CWC27: variants seen among roughly 807,000 people sequenced by gnomAD.
The protein encoded by CWC27 is CWC27 spliceosome associated cyclophilin, also known as spliceosome-associated protein CWC27 homolog.
In CWC27, 47 loss-of-function variants were observed where a neutral mutation model predicts 63.6. The observed-to-expected ratio is 0.74, with a 90% CI of 0.58 to 0.94. The LOEUF is 0.94. Ranked by LOEUF, CWC27 falls within the 40% of genes least tolerant of loss-of-function variation. The pLI is 0.00. For missense variants in CWC27, 495 were observed against 554.3 expected, an observed-to-expected ratio of 0.89 and a Z score of 1.07; for synonymous variants, 175 against 179.8, an observed-to-expected ratio of 0.97 and a Z score of 0.22.
At chr5:64,880,518 C>G (rs1561444911) in intron 10 of CWC27, among the ~76,000 whole-genome samples, 1 of 151,892 alleles carries the variant, frequency 6.6e-6, no homozygotes, top group Non-Finnish European at 1.5e-5. Flanking sequence ...CTTCCTTAAT[C>G]ATTTTGATTT....
At chr5:64,926,411 G>A (rs1561159159) in intron 11 of CWC27, among the ~76,000 whole-genome samples, 1 of 151,124 alleles carries the variant, frequency 6.6e-6, no homozygotes, top group Non-Finnish European at 1.5e-5. Flanking sequence ...AGTCATATCA[G>A]TAAGACCTAT....
chr5:64,813,129 G>A (rs1298890857), intron 10 of CWC27, among the ~76,000 whole-genome samples: 1 of 152,086 alleles, frequency 6.6e-6, no homozygotes, highest in East Asian at 1.9e-4. Flanking sequence ...ATGTAGACTA[G>A]GTGGTTTGTT....
chr5:64,810,718 G>A (rs569596318), intron 10 of CWC27, among the ~76,000 whole-genome samples: 1 of 152,060 alleles, frequency 6.6e-6, no homozygotes, highest in East Asian at 1.9e-4. Context: ...AAGCTCTGTA[G>A]ATATTCTAAT....
chr5:64,872,184 A>G (rs1048826397), intron 10 of CWC27, among the ~76,000 whole-genome samples: 4 of 152,162 alleles, frequency 2.6e-5, no homozygotes, highest in African/African-American at 4.8e-5. Context: ...TATGAGGAGA[A>G]GGGAAGTGGA....
intron 10 of CWC27, among the ~76,000 whole-genome samples, chr5:64,815,586 A>G (rs145882869): frequency 3.5e-4 from 54 of 152,300 alleles, no homozygotes; most frequent in African/African-American, 1.3e-3. Context: ...ATTGCTGTCT[A>G]CATCTATGAC....
intron 13 of CWC27, among the ~76,000 whole-genome samples, chr5:64,981,173 T>C (rs1749326389): frequency 6.6e-6 from 1 of 152,094 alleles, no homozygotes; most frequent in Admixed American, 6.6e-5. Flanking sequence ...TTACCTATGA[T>C]CCCAAACTCA....
At chr5:64,899,679 C>G (rs1747458056) in intron 11 of CWC27, among the ~76,000 whole-genome samples, 1 of 152,110 alleles carries the variant, frequency 6.6e-6, no homozygotes. Context: ...GAAACGAAAA[C>G]ATTTGTAATA....
chr5:65,018,079 T>A, intron 13 of CWC27, 80 bp from the exon 14 acceptor site: 1 of 1,232,328 alleles, frequency 8.1e-7, no homozygotes, highest in Non-Finnish European at 1.1e-6. Context: ...TGTTTCATTA[T>A]GTCGATGATA....
At chr5:64,782,114 T>G in intron 3 of CWC27, 81 bp downstream of exon 3, 1 of 715,912 alleles carries the variant, frequency 1.4e-6, no homozygotes, top group South Asian at 2.6e-5. Context: ...TAATCGAAAA[T>G]GATTGTGTTC....
chr5:64,967,755 A>G (rs1749045998), intron 11 of CWC27, among the ~76,000 whole-genome samples: 1 of 152,042 alleles, frequency 6.6e-6, no homozygotes, highest in African/African-American at 2.4e-5. Flanking sequence ...TACGCCATAT[A>G]TAAAAATCAA....
At chr5:64,824,561 G>T (rs567013493) in intron 10 of CWC27, among the ~76,000 whole-genome samples, 5 of 151,996 alleles carry the variant, frequency 3.3e-5, no homozygotes, top group Non-Finnish European at 7.4e-5. Flanking sequence ...GTGAGTATGG[G>T]CTGAAATCTA....
chr5:64,947,004 C>T (rs1748604051), intron 11 of CWC27, among the ~76,000 whole-genome samples: 1 of 152,104 alleles, frequency 6.6e-6, no homozygotes, highest in Non-Finnish European at 1.5e-5. Flanking sequence ...TCTCATCTGT[C>T]TCTGAGCACC....
At chr5:64,956,090 C>A (rs1286696772) in intron 11 of CWC27, among the ~76,000 whole-genome samples, 2 of 152,062 alleles carry the variant, frequency 1.3e-5, no homozygotes, top group African/African-American at 4.8e-5. Flanking sequence ...TTAAAAAATT[C>A]TTAGACACGA....
intron 10 of CWC27, among the ~76,000 whole-genome samples, chr5:64,853,769 C>T (rs984136077): frequency 6.6e-6 from 1 of 152,178 alleles, no homozygotes; most frequent in African/African-American, 2.4e-5. Context: ...GCCCCCATGA[C>T]CCAAACACCT....
chr5:64,912,728 A>G (rs1747816734), intron 11 of CWC27, among the ~76,000 whole-genome samples: 1 of 152,172 alleles, frequency 6.6e-6, no homozygotes, highest in Non-Finnish European at 1.5e-5. Flanking sequence ...AATGCTCTCA[A>G]AATGCTATTA....
intron 2 of CWC27, among the ~76,000 whole-genome samples, chr5:64,780,473 A>G (rs1326981528): frequency 6.7e-6 from 1 of 149,146 alleles, no homozygotes; most frequent in Non-Finnish European, 1.5e-5. Context: ...TATAGAAACA[A>G]TATATATAAA....
chr5:64,789,213 T>C (rs1264510982), intron 7 of CWC27, among the ~76,000 whole-genome samples, 193 bp downstream of exon 7: 1 of 152,050 alleles, frequency 6.6e-6, no homozygotes, highest in Admixed American at 6.6e-5. Context: ...TATTTATTTT[T>C]AATGTTGGCA....
intron 2 of CWC27, 74 bp downstream of exon 2, chr5:64,774,861 T>C (rs953709503): frequency 5.9e-6 from 5 of 853,402 alleles, no homozygotes; most frequent in African/African-American, 1.7e-5. Context: ...CTTCACAACA[T>C]TGAAGACTAG....
chr5:64,905,635 G>C (rs1029046950), intron 11 of CWC27, among the ~76,000 whole-genome samples: 1 of 152,070 alleles, frequency 6.6e-6, no homozygotes, highest in Non-Finnish European at 1.5e-5. Flanking sequence ...TAAGATACAT[G>C]ATGAAAAGTC....
Sources: gnomAD v4.1 joint callset for allele counts (sites outside exome capture counted in the v4.1 genomes callset) on GRCh38, gnomAD v4.1.1 for gene constraint, MANE v1.5 for transcripts, NCBI Gene and HGNC (gene_info 2026-07-23, HGNC 2026-07-21) for gene names.